The following TTC34 variants were observed in gnomAD, a reference collection of about 807,000 sequenced individuals.
TTC34 encodes the protein tetratricopeptide repeat protein 34.
A neutral mutation model predicts 40.7 loss-of-function variants in TTC34; 44 were observed. The observed-to-expected ratio is 1.08, with a 90% CI of 0.85 to 1.39. TTC34 has a LOEUF of 1.39. Among genes scored for constraint, TTC34 ranks in the 40% most tolerant of loss-of-function variants. The probability of loss-of-function intolerance (pLI) is 0.00; values close to 1 mark genes in which losing one functional copy is unlikely to be tolerated. For synonymous variants in TTC34, 422 were observed against 398.6 expected (o/e 1.06, Z -0.70); for missense variants, 884 against 838.0 (o/e 1.05, Z -0.68).
intron 6 of TTC34, among the ~76,000 whole-genome samples, chr1:2,760,484 T>C (rs1189743663): frequency 9.3e-4 from 21 of 22,668 alleles, no homozygotes; most frequent in Non-Finnish European, 1.2e-3. Context: ...ACCACCCACA[T>C]CCGCAGGTGA....
At chr1:2,764,088 C>G (rs1641717415) in intron 6 of TTC34, among the ~76,000 whole-genome samples, 3 of 137,410 alleles carry the variant, frequency 2.2e-5, no homozygotes, top group African/African-American at 5.5e-5. Flanking sequence ...CAGCCTGGAA[C>G]AGAATTCTCC....
chr1:2,752,934 ACCCCAGGTG>A (rs1641373131), intron 6 of TTC34, among the ~76,000 whole-genome samples: 1 of 71,522 alleles, frequency 1.4e-5, no homozygotes, highest in African/African-American at 6.3e-5. Context: ...AGCTCCCACA[ACCCCAGGTG>A]AGCATCCGAT....
rs570074090 is a variant in TTC34, at chr1:2,643,029, T to C, written c.2713-1134A>G. 2.0e-3 allele frequency among the ~76,000 whole-genome samples: 297 copies of C among 152,036 alleles called. 2 individuals are homozygous for C. Among genetic ancestry groups the C allele is most frequent in the Non-Finnish European group, 3.9e-3 (266 of 67,952 alleles). ...ACCCGTAGTTCACGGCCCGGGGTGG[T>C]AGTGAAGCCTCGGCCCGCGCAGGAC... On this transcript the variant is annotated intron_variant, in intron 8 of 8. Coordinates refer to ENST00000401095, the Ensembl canonical transcript of TTC34.
chr1:2,789,044 C>G (rs768739154), intron 3 of TTC34, among the ~76,000 whole-genome samples: 1 of 152,176 alleles, frequency 6.6e-6, no homozygotes, highest in Non-Finnish European at 1.5e-5. Flanking sequence ...CGCCATTGCA[C>G]TCCAGCCTGG....
intron 2 of TTC34, among the ~76,000 whole-genome samples, chr1:2,797,099 G>A (rs1213117064): frequency 6.6e-6 from 1 of 152,198 alleles, no homozygotes; most frequent in African/African-American, 2.4e-5. Flanking sequence ...AGTATGGAGG[G>A]CGGTTAGGAG....
At chr1:2,752,376 G>T (rs1332428176) in intron 6 of TTC34, among the ~76,000 whole-genome samples, 12 of 133,968 alleles carry the variant, frequency 9.0e-5, no homozygotes, top group Non-Finnish European at 1.4e-4. Flanking sequence ...CACACCCCCA[G>T]GCGAGCATCT....
At chr1:2,648,638 C>G (rs1266542568) in intron 6 of TTC34, among the ~76,000 whole-genome samples, 1 of 147,242 alleles carries the variant, frequency 6.8e-6, no homozygotes, top group African/African-American at 2.5e-5. Flanking sequence ...CCCAGGGGAG[C>G]ATCTTACAGC....
At chr1:2,681,773 C>A (rs1300502062) in intron 6 of TTC34, among the ~76,000 whole-genome samples, 13 of 118,072 alleles carry the variant, frequency 1.1e-4, no homozygotes, top group Admixed American at 2.5e-4. Flanking sequence ...GAGCCTGGGT[C>A]GGCACCCACA....
chr1:2,676,961 C>T (rs1307039225), intron 6 of TTC34, among the ~76,000 whole-genome samples: 1 of 145,874 alleles, frequency 6.9e-6, no homozygotes, highest in Non-Finnish European at 1.5e-5. Flanking sequence ...TGGAACAGCA[C>T]CCTGCACCCC....
At chr1:2,686,620 C>G (rs566905729) in intron 6 of TTC34, among the ~76,000 whole-genome samples, 16 of 148,236 alleles carry the variant, frequency 1.1e-4, no homozygotes, top group African/African-American at 3.6e-4. Context: ...GAGCATCTGA[C>G]AGCATGTAAC....
At chr1:2,641,315 G>A (rs745951099) in exon 9 of TTC34, 33 of 1,448,146 alleles carry the variant, frequency 2.3e-5, no homozygotes, top group Non-Finnish European at 2.8e-5. Context: ...TGGACATCAG[G>A]TGCAGATGCT....
chr1:2,749,762 C>G (rs1355713249), intron 6 of TTC34, among the ~76,000 whole-genome samples: 1 of 68,100 alleles, frequency 1.5e-5, no homozygotes, highest in African/African-American at 8.1e-5. Flanking sequence ...ACAGCTCCCA[C>G]ACCCCCAGGC....
intron 6 of TTC34, among the ~76,000 whole-genome samples, chr1:2,694,056 C>A (rs1214666816): frequency 7.6e-6 from 1 of 130,940 alleles, no homozygotes; most frequent in East Asian, 2.3e-4. Context: ...CAGCACGTAA[C>A]AGCACCCACA....
rs375015906 is a variant in TTC34 at position 2,683,370 on chromosome 1, T to G, written c.2227-37807A>C. On this transcript the variant is annotated intron_variant, in intron 6 of 8. Transcript: ENST00000401095. ...CCTGCACCCCCAGGTGAGCATCTGA[T>G]GGCTTGGAACAGCACCCACACGCCC... Among the ~76,000 whole-genome samples the G allele has an allele frequency of 8.6e-5, 5 of 58,444 alleles. 1 individual carries two copies. The highest frequency in any genetic ancestry group is 1.8e-4 in the Admixed American group (1 of 5,616). The allele number at this position is 58,444 out of a possible 152,430, so 38.3% of individuals were successfully genotyped here. A position where few individuals can be genotyped will look rare whatever the true frequency, so the allele number is the denominator to read the frequency against.
At chr1:2,754,741 C>A (rs1191516942) in intron 6 of TTC34, among the ~76,000 whole-genome samples, 3 of 124,688 alleles carry the variant, frequency 2.4e-5, no homozygotes, top group African/African-American at 3.5e-5. Flanking sequence ...ACCCACACCC[C>A]CAGGTGCGCA....
At chr1:2,699,631 A>G (rs1260936809) in intron 6 of TTC34, among the ~76,000 whole-genome samples, 1 of 88,736 alleles carries the variant, frequency 1.1e-5, no homozygotes, top group Non-Finnish European at 2.7e-5. Flanking sequence ...TCAGCATCTG[A>G]CAGCCTGGTG....
intron 8 of TTC34, among the ~76,000 whole-genome samples, chr1:2,643,502 G>T (rs1215214745): frequency 2.0e-5 from 3 of 152,132 alleles, no homozygotes; most frequent in Non-Finnish European, 1.5e-5. Context: ...CCCCTGCCAG[G>T]CCCTGCTCCC....
Position 2,769,676 on chromosome 1 carries a change from A to G in TTC34, c.2226+13933T>C, listed in dbSNP as rs1339585297. Among the ~76,000 whole-genome samples, 17 of 131,862 alleles carry G rather than the reference A, an allele frequency of 1.3e-4. 1 individual carries two copies. Among genetic ancestry groups the G allele is most frequent in the African/African-American group, 5.2e-4 (17 of 32,964 alleles). 86.5% of individuals were successfully genotyped at this position (131,862 alleles called of 152,430 possible). ...GCCTGGAGCAGCACCCTACACCCCC[A>G]GGGGAGCATCTGACAGTCTGGAGCA... On this transcript the variant is annotated intron_variant, in intron 6 of 8. Transcript: ENST00000401095.
rs1209763859 is a variant in TTC34 at position 2,750,102 on chromosome 1, CA to C, written c.2226+33506del. ...AGGCACACCCCCAGTGAGCATCTGA[CA>C]GCCTGGAACAGCACCCACACACCCA... On this transcript the variant is annotated intron_variant, in intron 6 of 8. Coordinates refer to ENST00000401095, the Ensembl canonical transcript of TTC34. Among the ~76,000 whole-genome samples the C allele has an allele frequency of 1.6e-3, 163 of 103,376 alleles. 5 individuals are homozygous for C. Among genetic ancestry groups the C allele is most frequent in the African/African-American group, 6.7e-3 (154 of 23,016 alleles). 67.8% of individuals were successfully genotyped at this position (103,376 alleles called of 152,430 possible).
Sources: allele counts gnomAD v4.1 joint callset (sites outside exome capture counted in the v4.1 genomes callset), GRCh38; gene constraint gnomAD v4.1.1; transcripts MANE v1.5; gene names NCBI Gene and HGNC (gene_info 2026-07-23, HGNC 2026-07-21).